Variants in SH3PXD2A observed in about 807,000 individuals in gnomAD.
The protein encoded by SH3PXD2A is SH3 and PX domains 2A.
SH3PXD2A carries 32 observed loss-of-function variants against 115.2 expected under a neutral mutation model. That is an observed-to-expected ratio of 0.28 (90% CI 0.21 to 0.37). The LOEUF is 0.37. Ranked by LOEUF, SH3PXD2A falls within the 10% of genes least tolerant of loss-of-function variation. The pLI is 1.00. For synonymous variants in SH3PXD2A, 610 were observed against 629.1 expected (o/e 0.97, Z 0.45); for missense variants, 1,328 against 1,498.7 (o/e 0.89, Z 1.88).
chr10:103,687,662 T>C (rs1158738603), intron 6 of SH3PXD2A, among the ~76,000 whole-genome samples: 1 of 152,206 alleles, frequency 6.6e-6, no homozygotes, highest in Non-Finnish European at 1.5e-5. Flanking sequence ...CATCATTCTA[T>C]GATTGAAGCC....
chr10:103,839,828 G>A (rs1393065288), intron 1 of SH3PXD2A, among the ~76,000 whole-genome samples: 4 of 152,234 alleles, frequency 2.6e-5, no homozygotes, highest in African/African-American at 7.2e-5. Flanking sequence ...GAACCAGGGG[G>A]CAAATGGATG....
In SH3PXD2A at chr10:103,746,329, T is replaced by G. The variant is rs554208949; in HGVS notation, c.230-10521A>C. ...TTCTTTCTTTTTTATTTTTATTTAT[T>G]TATTTATTGAGACAGGGTCTTGCTC... On this transcript the variant is annotated intron_variant, in intron 3 of 14. Transcript: ENST00000369774. The surrounding 1 kb of genome is among the most constrained non-coding windows in gnomAD (Gnocchi z 4.4). Among the ~76,000 whole-genome samples the G allele has an allele frequency of 4.6e-5, 7 of 152,254 alleles. No individual in the cohort carries two copies. The highest frequency in any genetic ancestry group is 1.7e-4 in the African/African-American group (7 of 41,532).
At chr10:103,738,590 G>C (rs900761870) in intron 3 of SH3PXD2A, among the ~76,000 whole-genome samples, 1 of 152,166 alleles carries the variant, frequency 6.6e-6, no homozygotes, top group Non-Finnish European at 1.5e-5. Flanking sequence ...ACAGGAGGGT[G>C]GGGGAGGGCC....
chr10:103,749,097 G>A (rs2038543683), intron 3 of SH3PXD2A, among the ~76,000 whole-genome samples: 1 of 152,026 alleles, frequency 6.6e-6, no homozygotes, highest in Non-Finnish European at 1.5e-5. Flanking sequence ...CACTATGTTA[G>A]CCTGGCTGGT....
At position 103,712,201 on chromosome 10, in the gene SH3PXD2A, GTACA is replaced by G. The variant is rs201426597; in HGVS notation, c.398+12065_398+12068del. ...TGAATTAATTGTACACTTAAAACAA[GTACA>G]TATTATAGCATGTAAATTATACCTC... On this transcript the variant is annotated intron_variant, in intron 5 of 14. Coordinates refer to ENST00000369774, the MANE Select transcript of SH3PXD2A (RefSeq NM_001394015.1). Among the ~76,000 whole-genome samples the G allele has an allele frequency of 1.5e-3, 230 of 152,324 alleles. 1 individual carries two copies. Among genetic ancestry groups the G allele is most frequent in the African/African-American group, 5.3e-3 (222 of 41,580 alleles).
intron 4 of SH3PXD2A, among the ~76,000 whole-genome samples, chr10:103,734,963 C>T (rs572032849): frequency 6.6e-6 from 1 of 152,316 alleles, no homozygotes; most frequent in South Asian, 2.1e-4. Flanking sequence ...GTTCTCCTCC[C>T]TATTGGACGG....
intron 4 of SH3PXD2A, among the ~76,000 whole-genome samples, chr10:103,731,228 A>G (rs2038316275): frequency 6.7e-6 from 1 of 150,336 alleles, no homozygotes. Flanking sequence ...TGGTGCAACC[A>G]TGGCTCACTG....
At chr10:103,692,463 C>T (rs2037766911) in intron 6 of SH3PXD2A, among the ~76,000 whole-genome samples, 1 of 152,234 alleles carries the variant, frequency 6.6e-6, no homozygotes, top group Admixed American at 6.5e-5. Context: ...GCCCCCACCT[C>T]CGCAGCAAGG....
chr10:103,714,305 A>G (rs1564871167), intron 5 of SH3PXD2A, among the ~76,000 whole-genome samples: 2 of 152,202 alleles, frequency 1.3e-5, no homozygotes. Context: ...CACAAGCCCA[A>G]GAAATTAATG....
rs371597796 is a variant in SH3PXD2A, at chr10:103,602,118, C to T, written c.3100G>A (p.Glu1034Lys). ...TCTGAACCCTGGCTGGCAGCCCGTT[C>T]GGCCAGGCGGCCCTTGGCCTCGGCG... The part of the protein sequence containing the change: ...AAAEAKGRLA[E>K]RAASQGSDSP... Residue 1034 changes from glutamate (E) to lysine (K), a missense_variant, in exon 15 of 15, where the codon GAA (glutamate) becomes AAA (lysine). By Grantham distance (56) the Glu-to-Lys change is moderately conservative (BLOSUM62 1). This residue lies in a region of SH3PXD2A where 574 missense variants were observed against 565.7 expected (regional missense o/e 1.01). Transcript: ENST00000369774. 16 of 1,585,960 alleles carry T rather than the reference C, an allele frequency of 1.0e-5. No homozygotes were observed. Among genetic ancestry groups the T allele is most frequent in the South Asian group, 6.9e-5 (6 of 86,642 alleles).
chr10:103,615,112 A>G (rs2036489700), intron 11 of SH3PXD2A, among the ~76,000 whole-genome samples: 1 of 152,226 alleles, frequency 6.6e-6, no homozygotes. Flanking sequence ...CGGCTCAGAA[A>G]AGCAAGGGGG....
At position 103,730,064 on chromosome 10, in the gene SH3PXD2A, C is replaced by A. The variant is rs560543362; in HGVS notation, c.306+5668G>T. Among the ~76,000 whole-genome samples the A allele has an allele frequency of 5.9e-5, 9 of 152,326 alleles. No individual in the cohort carries two copies. In the South Asian group the frequency reaches 1.9e-3, roughly 32 times the overall value. ...GGGGCCCCGGCAGACTGTGCTCAGG[C>A]CTTCTGCCTCGAAACGGTCATCCTC... On this transcript the variant is annotated intron_variant, in intron 4 of 14. Transcript: ENST00000369774.
rs372280110 is a variant in SH3PXD2A, at chr10:103,620,675, C to T, written c.802+1795G>A. On this transcript the variant is annotated intron_variant, in intron 10 of 14. Transcript: ENST00000369774. The surrounding 1 kb of genome is among the most constrained non-coding windows in gnomAD (Gnocchi z 5.3). ...GGCTGCCTGGTTTAACTTAGCCCAT[C>T]AGGCTGAGGCTGGGACATTATGTTG... Among the ~76,000 whole-genome samples, 12 of 152,304 alleles carry T rather than the reference C, an allele frequency of 7.9e-5. No individual in the cohort carries two copies. The East Asian group carries it at 1.7e-3, about 22-fold the overall frequency.
intron 8 of SH3PXD2A, among the ~76,000 whole-genome samples, chr10:103,645,183 C>T (rs577765838): frequency 7.9e-5 from 12 of 152,180 alleles, no homozygotes; most frequent in Non-Finnish European, 1.3e-4. Context: ...GGACATAGGC[C>T]GAATCTTGCT....
intron 5 of SH3PXD2A, among the ~76,000 whole-genome samples, chr10:103,696,045 AC>A (rs1224953732): frequency 3.9e-5 from 6 of 152,048 alleles, no homozygotes; most frequent in South Asian, 4.1e-4. Context: ...CCCACTTACC[AC>A]CCCTTCCTGG....
At chr10:103,827,860 C>T (rs756521757) in intron 1 of SH3PXD2A, among the ~76,000 whole-genome samples, 14 of 152,200 alleles carry the variant, frequency 9.2e-5, no homozygotes, top group East Asian at 1.9e-4. Flanking sequence ...CATGGGCAGA[C>T]GTCCCAACAC....
chr10:103,621,961 C>T (rs771597953), intron 10 of SH3PXD2A, among the ~76,000 whole-genome samples: 2 of 152,212 alleles, frequency 1.3e-5, no homozygotes, highest in African/African-American at 4.8e-5. Flanking sequence ...TTCTAGTTTC[C>T]GTGGAGCTGG....
chr10:103,854,002 C>T (rs926466437), intron 1 of SH3PXD2A, among the ~76,000 whole-genome samples: 1 of 152,202 alleles, frequency 6.6e-6, no homozygotes, highest in Non-Finnish European at 1.5e-5. Flanking sequence ...ACCTCCCTGC[C>T]TAGTCAACCT....
chr10:103,619,777 G>A (rs1004263341), intron 10 of SH3PXD2A, among the ~76,000 whole-genome samples: 2 of 152,238 alleles, frequency 1.3e-5, no homozygotes, highest in African/African-American at 4.8e-5. Context: ...TGGGGACTCT[G>A]GGGCTGCAGC....
Sources: gnomAD v4.1 joint callset for allele counts (sites outside exome capture counted in the v4.1 genomes callset) on GRCh38, gnomAD v4.1.1 for gene constraint, gnomAD v4.1.1 regional missense constraint, Gnocchi (gnomAD v3.1) non-coding constraint, MANE v1.5 for transcripts, NCBI Gene and HGNC (gene_info 2026-07-23, HGNC 2026-07-21) for gene names.